Variants in KLHL2 observed in about 807,000 individuals in gnomAD.
KLHL2 encodes kelch-like protein 2.
Under a neutral mutation model 75.8 loss-of-function variants are expected in KLHL2, and 15 were observed. That is an observed-to-expected ratio of 0.20 (90% CI 0.13 to 0.30). The LOEUF is 0.30. Among genes scored for constraint, KLHL2 ranks in the 10% least tolerant of loss-of-function variants. KLHL2 has a pLI of 1.00. For missense variants in KLHL2, 381 were observed against 741.0 expected, an observed-to-expected ratio of 0.51 and a Z score of 5.64; for synonymous variants, 214 against 251.9, an observed-to-expected ratio of 0.85 and a Z score of 1.42.
chr4:165,311,117 A>T (rs1031543040), intron 10 of KLHL2, among the ~76,000 whole-genome samples: 1 of 152,132 alleles, frequency 6.6e-6, no homozygotes, highest in Non-Finnish European at 1.5e-5. Context: ...TCGGCCTCCC[A>T]AAGTGCTGGG....
At chr4:165,310,436 C>G in intron 9 of KLHL2, 117 bp from the exon 10 acceptor site, 2 of 806,384 alleles carry the variant, frequency 2.5e-6, no homozygotes, top group Non-Finnish European at 4.3e-6. Context: ...TTTAATCAGG[C>G]TCCTCCTAAG....
intron 5 of KLHL2, among the ~76,000 whole-genome samples, chr4:165,276,210 A>G (rs111733190): frequency 0.29 from 44,373 of 152,092 alleles, 6,936 homozygotes; most frequent in African/African-American, 0.35. Context: ...TAACTCTGTT[A>G]TTAGTTTATA....
At chr4:165,300,778 G>A (rs182679538) in intron 8 of KLHL2, among the ~76,000 whole-genome samples, 4 of 152,202 alleles carry the variant, frequency 2.6e-5, no homozygotes, top group Admixed American at 2.6e-4. Flanking sequence ...TTCGGGCAAT[G>A]CTGGATTAAG....
At chr4:165,263,676 T>C (rs1741892938) in intron 5 of KLHL2, among the ~76,000 whole-genome samples, 1 of 151,546 alleles carries the variant, frequency 6.6e-6, no homozygotes, top group Admixed American at 6.6e-5. Flanking sequence ...CAATCTTGGC[T>C]CATTGCAACC....
chr4:165,264,585 CATAT>C (rs55960426), intron 5 of KLHL2, among the ~76,000 whole-genome samples: 38,769 of 129,276 alleles, frequency 0.3, 5,719 homozygotes, highest in African/African-American at 0.36. Context: ...AGTATTCCAT[CATAT>C]ATATATATAT....
chr4:165,278,944 C>T (rs535502062), intron 5 of KLHL2: 656 of 1,463,228 alleles, frequency 4.5e-4, no homozygotes, highest in Admixed American at 6.3e-4. Context: ...CAGAAGAACT[C>T]CGAACATGTG....
rs779209433 is a variant in KLHL2, at chr4:165,317,844, G to A, written c.1628G>A (p.Gly543Asp). ...TTTAAAGGAGTTTGTGCAGTTAATGGTCTGTTATATGTTGTTGGAGGGGAT... is the reference window on the plus strand; with the variant it reads ...TTTAAAGGAGTTTGTGCAGTTAATGATCTGTTATATGTTGTTGGAGGGGAT... ...RRNAGVCAVN[G>D]LLYVVGGDDG... The change falls in exon 14 of 15, where the codon GGT (glycine) becomes GAT (aspartate). Residue 543 changes from glycine to aspartate, a missense_variant. Transcript: ENST00000226725. 6.2e-7 allele frequency: 1 copy of A among 1,611,118 alleles called. No homozygotes were observed. Among genetic ancestry groups the A allele is most frequent in the Admixed American group, 1.7e-5 (1 of 59,024 alleles).
chr4:165,301,982 C>G (rs77934656), intron 8 of KLHL2, among the ~76,000 whole-genome samples: 3 of 152,014 alleles, frequency 2.0e-5, no homozygotes, highest in East Asian at 3.9e-4. Flanking sequence ...TTACATTGTT[C>G]CTGGACTTCT....
chr4:165,295,491 GAGA>G (rs768327610), intron 6 of KLHL2, among the ~76,000 whole-genome samples: 1 of 152,140 alleles, frequency 6.6e-6, no homozygotes, highest in Non-Finnish European at 1.5e-5. Context: ...TCCTAGAGAA[GAGA>G]AGATTAGCAG....
chr4:165,212,494 T>C (rs1737257384), intron 1 of KLHL2, among the ~76,000 whole-genome samples: 1 of 152,212 alleles, frequency 6.6e-6, no homozygotes. Context: ...TTCAGACTAT[T>C]GGCATTTGCT....
intron 5 of KLHL2, among the ~76,000 whole-genome samples, chr4:165,290,596 C>A (rs990980395): frequency 6.6e-6 from 1 of 152,026 alleles, no homozygotes; most frequent in African/African-American, 2.4e-5. Flanking sequence ...ATATAAACTT[C>A]TGGTAAAGTC....
chr4:165,307,904 G>A (rs1745855441), intron 9 of KLHL2, among the ~76,000 whole-genome samples: 1 of 152,072 alleles, frequency 6.6e-6, no homozygotes, highest in African/African-American at 2.4e-5. Flanking sequence ...GTTTTTAATG[G>A]CTAGTCAGTT....
intron 4 of KLHL2, among the ~76,000 whole-genome samples, chr4:165,242,904 T>C (rs923330004): frequency 2.6e-5 from 4 of 152,220 alleles, no homozygotes; most frequent in African/African-American, 9.6e-5. Context: ...TCTCTAGTTA[T>C]ATGCTAAGCA....
At chr4:165,241,734 C>G (rs1182510588) in intron 4 of KLHL2, among the ~76,000 whole-genome samples, 1 of 152,118 alleles carries the variant, frequency 6.6e-6, no homozygotes, top group Non-Finnish European at 1.5e-5. Context: ...CAGAACAGGG[C>G]CATACCCCTG....
chr4:165,220,682 C>T (rs1205653392), intron 2 of KLHL2, among the ~76,000 whole-genome samples: 1 of 152,062 alleles, frequency 6.6e-6, no homozygotes, highest in Non-Finnish European at 1.5e-5. Context: ...TTGGACAGTG[C>T]TGGTCTAGGG....
At chr4:165,310,853 GTGT>G in intron 10 of KLHL2, 103 bp downstream of exon 10, 16 of 725,294 alleles carry the variant, frequency 2.2e-5, no homozygotes, top group African/African-American at 1.1e-4. Flanking sequence ...GAGGTTTTTT[GTGT>G]TTTTTTTTTT....
intron 4 of KLHL2, among the ~76,000 whole-genome samples, chr4:165,245,484 A>G (rs17009130): frequency 0.075 from 11,357 of 152,174 alleles, 895 homozygotes; most frequent in African/African-American, 0.2. Flanking sequence ...TAATGACCAC[A>G]ACCAAGTAAT....
intron 5 of KLHL2, among the ~76,000 whole-genome samples, chr4:165,281,098 T>G (rs1743634098): frequency 6.6e-6 from 1 of 152,190 alleles, no homozygotes; most frequent in Non-Finnish European, 1.5e-5. Flanking sequence ...CAAATGGGAC[T>G]TTGCATTGAG....
chr4:165,268,562 C>T (rs571870647), intron 5 of KLHL2, among the ~76,000 whole-genome samples: 5 of 152,248 alleles, frequency 3.3e-5, no homozygotes, highest in South Asian at 2.1e-4. Context: ...GCCTTCATTT[C>T]GTTGTGTACC....
Sources: allele counts gnomAD v4.1 joint callset (sites outside exome capture counted in the v4.1 genomes callset), GRCh38; gene constraint gnomAD v4.1.1; transcripts MANE v1.5; gene names NCBI Gene and HGNC (gene_info 2026-07-23, HGNC 2026-07-21).